INTU: variants seen among roughly 807,000 people sequenced by gnomAD.
INTU encodes the protein protein inturned.
INTU carries 68 observed loss-of-function variants against 100.5 expected under a neutral mutation model. That is an observed-to-expected ratio of 0.68 (90% confidence interval 0.56 to 0.83). INTU has a LOEUF of 0.83. INTU is among the 40% of genes least tolerant of loss of function. The pLI is 0.00. For synonymous variants in INTU, 357 were observed against 395.7 expected, an observed-to-expected ratio of 0.90 and a Z score of 1.16; for missense variants, 1,071 against 1,114.7, an observed-to-expected ratio of 0.96 and a Z score of 0.56.
At chr4:127,704,837 C>T (rs1321720544) in intron 10 of INTU, among the ~76,000 whole-genome samples, 1 of 151,982 alleles carries the variant, frequency 6.6e-6, no homozygotes, top group Non-Finnish European at 1.5e-5. Context: ...CCTGTAATCC[C>T]ATCACTTTGG....
intron 9 of INTU, 118 bp from the exon 10 acceptor site, chr4:127,704,110 C>A: frequency 1.4e-6 from 1 of 723,008 alleles, no homozygotes; most frequent in Non-Finnish European, 2.3e-6. Context: ...CTAAAGATGG[C>A]ACTATGAAAA....
chr4:127,673,131 T>C (rs1169081116), intron 5 of INTU, among the ~76,000 whole-genome samples: 2 of 152,198 alleles, frequency 1.3e-5, no homozygotes, highest in Non-Finnish European at 2.9e-5. Flanking sequence ...TCTTCATAAA[T>C]AGGCAGTCAC....
rs1176130789 is a variant in INTU at position 127,726,538 on chromosome 4, AT to A, written c.*10105del. 2 of 152,206 alleles carry A rather than the reference AT, an allele frequency of 1.3e-5. No homozygotes were observed. The highest frequency in any genetic ancestry group is 2.9e-5 in the Non-Finnish European group (2 of 68,032). 9.4% of individuals were successfully genotyped at this position (152,206 alleles called of 1,614,324 possible). On this transcript the variant is annotated 3_prime_UTR_variant, in exon 16 of 16. Coordinates refer to ENST00000335251, the MANE Select transcript of INTU (RefSeq NM_015693.4). ...TGTAGGGGAAAAGCTGAGAAAAATCATTTATCAATAAACAGTTTTCAGAACA... is the reference window on the plus strand; with the variant it reads ...TGTAGGGGAAAAGCTGAGAAAAATCATTATCAATAAACAGTTTTCAGAACA...
intron 2 of INTU, among the ~76,000 whole-genome samples, chr4:127,649,090 A>G (rs1727714233): frequency 6.6e-6 from 1 of 152,158 alleles, no homozygotes; most frequent in South Asian, 2.1e-4. Flanking sequence ...GAAGGAAAAA[A>G]AGGAGGAATA....
chr4:127,687,514 T>TA (rs2126231441), intron 7 of INTU, 164 bp from the exon 8 acceptor site: 1 of 533,710 alleles, frequency 1.9e-6, no homozygotes, highest in African/African-American at 1.9e-5. Flanking sequence ...GTAAATTTCT[T>TA]TACACAATCC....
At position 127,725,424 on chromosome 4, in the gene INTU, A is replaced by G. The variant is rs1400473856; in HGVS notation, c.*8988A>G. 1 of 152,236 alleles carries G rather than the reference A, an allele frequency of 6.6e-6. No individual in the cohort carries two copies. The highest frequency in any genetic ancestry group is 2.4e-5 in the African/African-American group (1 of 41,456). The allele number at this position is 152,236 out of a possible 1,614,324, so 9.4% of individuals were successfully genotyped here. On this transcript the variant is annotated 3_prime_UTR_variant, in exon 16 of 16. Transcript: ENST00000335251. ...TATTTACATATATATGTATTAAGAC[A>G]CTTTGGTTAAAACAATTTATTAAAT... is the stretch of plus-strand genomic sequence containing the variant.
chr4:127,639,534 C>T (rs1452573200), intron 1 of INTU, among the ~76,000 whole-genome samples: 1 of 151,872 alleles, frequency 6.6e-6, no homozygotes, highest in Admixed American at 6.6e-5. Context: ...TTAACACATC[C>T]CCTTTCTTCT....
chr4:127,659,899 C>T (rs1728401054), intron 3 of INTU, among the ~76,000 whole-genome samples: 1 of 152,038 alleles, frequency 6.6e-6, no homozygotes, highest in South Asian at 2.1e-4. Flanking sequence ...TTTATTATTT[C>T]CTTGTTACAC....
At chr4:127,633,805 T>C (rs1560822032) in intron 1 of INTU, among the ~76,000 whole-genome samples, 2 of 152,332 alleles carry the variant, frequency 1.3e-5, no homozygotes, top group East Asian at 3.9e-4. Context: ...TACCTAAAGG[T>C]TTCACTTTCT....
intron 6 of INTU, among the ~76,000 whole-genome samples, chr4:127,676,231 G>T (rs965513688): frequency 1.3e-5 from 2 of 151,922 alleles, no homozygotes; most frequent in African/African-American, 4.8e-5. Flanking sequence ...ATAGGATACT[G>T]AACCCTTCTC....
Position 127,726,706 on chromosome 4 carries a change from T to C in INTU, c.*10270T>C, listed in dbSNP as rs1163967779. On this transcript the variant is annotated 3_prime_UTR_variant, in exon 16 of 16. Transcript: ENST00000335251. ...CTACTTTTATACTATATTGATAGTT[T>C]TAAATAAAACTGGTTTGGAGGTTTG... The C allele has an allele frequency of 1.3e-5, 2 of 152,218 alleles. No individual in the cohort carries two copies. The highest frequency in any genetic ancestry group is 2.9e-5 in the Non-Finnish European group (2 of 68,044). The allele number at this position is 152,218 out of a possible 1,614,324, so 9.4% of individuals were successfully genotyped here. A position where few individuals can be genotyped will look rare whatever the true frequency, so the allele number is the denominator to read the frequency against.
intron 2 of INTU, among the ~76,000 whole-genome samples, chr4:127,651,560 T>A (rs1031654633): frequency 9.2e-5 from 14 of 152,180 alleles, no homozygotes; most frequent in Admixed American, 2.0e-4. Context: ...AGGGCTCTGT[T>A]CTGTTCCATT....
At chr4:127,648,700 G>A (rs1490296745) in intron 2 of INTU, among the ~76,000 whole-genome samples, 1 of 152,122 alleles carries the variant, frequency 6.6e-6, no homozygotes, top group African/African-American at 2.4e-5. Flanking sequence ...ATTTTACATT[G>A]ACACAGCTAT....
At chr4:127,700,772 TAA>T (rs370306956) in intron 9 of INTU, among the ~76,000 whole-genome samples, 8 of 137,700 alleles carry the variant, frequency 5.8e-5, no homozygotes, top group African/African-American at 7.8e-5. Flanking sequence ...ATAATGATAC[TAA>T]AAAAAAAAAA....
intron 2 of INTU, among the ~76,000 whole-genome samples, chr4:127,655,246 C>G (rs1198591017): frequency 6.6e-6 from 1 of 152,278 alleles, no homozygotes; most frequent in East Asian, 1.9e-4. Context: ...CTCCATCCAG[C>G]TTTGTTCCGT....
At chr4:127,633,202 A>T (rs946602458) in intron 1 of INTU, 22 bp downstream of exon 1, 4 of 1,608,508 alleles carry the variant, frequency 2.5e-6, no homozygotes, top group Admixed American at 3.3e-5. Flanking sequence ...AAAGAGGGAC[A>T]ATTAATCCCA....
rs1313298794 is a variant in INTU at position 127,710,998 on chromosome 4, G to A, written c.2455G>A (p.Glu819Lys). The change falls in exon 14 of 16, where the codon GAG becomes AAG. Residue 819 changes from glutamate to lysine, a missense_variant. Coordinates refer to ENST00000335251, the MANE Select transcript of INTU (RefSeq NM_015693.4). The stretch of plus-strand genomic sequence containing the variant: ...AATCTTTATTACTCCTACCCTTGAA[G>A]AGGTGGCACAGCTAAGTGGCTCTAT... ...QGIFITPTLE[E>K]VAQLSGSIHP... is the part of the protein sequence containing the mutation. The A allele has an allele frequency of 6.2e-7, 1 of 1,607,238 alleles. No individual in the cohort carries two copies. Among genetic ancestry groups the A allele is most frequent in the African/African-American group, 1.3e-5 (1 of 74,840 alleles).
At chr4:127,657,943 G>T (rs191232261) in intron 3 of INTU, among the ~76,000 whole-genome samples, 2 of 152,252 alleles carry the variant, frequency 1.3e-5, no homozygotes, top group East Asian at 3.9e-4. Flanking sequence ...AAATCGTCTT[G>T]CATGAAACCA....
chr4:127,636,269 GA>G (rs959260303), intron 1 of INTU, among the ~76,000 whole-genome samples: 8 of 150,422 alleles, frequency 5.3e-5, no homozygotes, highest in Admixed American at 1.3e-4. Context: ...TTTGTCTGAA[GA>G]AAAAAAAAGT....
Sources: allele counts gnomAD v4.1 joint callset (sites outside exome capture counted in the v4.1 genomes callset), GRCh38; gene constraint gnomAD v4.1.1; transcripts MANE v1.5; gene names NCBI Gene and HGNC (gene_info 2026-07-23, HGNC 2026-07-21).